ZBTB20: variants seen among roughly 807,000 people sequenced by gnomAD.
The protein encoded by ZBTB20 is zinc finger and BTB domain containing 20.
ZBTB20 carries 9 observed loss-of-function variants against 56.9 expected under a neutral mutation model. That is an observed-to-expected ratio of 0.16 (90% CI 0.10 to 0.28). The LOEUF (loss-of-function observed/expected upper bound fraction) is 0.28, where lower values mean the gene tolerates loss of function less well. Ranked by LOEUF, ZBTB20 falls within the 10% of genes least tolerant of loss-of-function variation. The pLI, the probability that ZBTB20 is intolerant of heterozygous loss-of-function variation, is 1.00. For synonymous variants in ZBTB20, 417 were observed against 420.7 expected (o/e 0.99, Z 0.11); for missense variants, 655 against 1,003.0 (o/e 0.65, Z 4.69).
intron 7 of ZBTB20, among the ~76,000 whole-genome samples, chr3:114,393,294 A>T (rs1299294762): frequency 2.0e-5 from 3 of 152,272 alleles, no homozygotes; most frequent in Admixed American, 6.5e-5. Context: ...ATCACTCATC[A>T]ATAGTACATT....
At chr3:114,646,313 C>T (rs754959428) in intron 6 of ZBTB20, among the ~76,000 whole-genome samples, 1 of 151,860 alleles carries the variant, frequency 6.6e-6, no homozygotes, top group African/African-American at 2.4e-5. Context: ...AGTAGAAGCC[C>T]TAGTTTACAG....
chr3:114,647,617 C>A (rs2059920390), intron 6 of ZBTB20, among the ~76,000 whole-genome samples: 1 of 152,180 alleles, frequency 6.6e-6, no homozygotes, highest in Non-Finnish European at 1.5e-5. Context: ...TTGGTGTGAT[C>A]TTGAATACAT....
chr3:114,317,137 G>C lies in ZBTB20; in HGVS notation c.*21868C>G, dbSNP rs1158041088. 6.6e-6 allele frequency: 1 copy of C among 152,514 alleles called. No individual in the cohort carries two copies. The highest frequency in any genetic ancestry group is 1.9e-4 in the East Asian group (1 of 5,184). 9.4% of individuals were successfully genotyped at this position (152,514 alleles called of 1,614,324 possible). ...CTGACTTCTGTGTCAGCTTCTTGTG[G>C]GTATGTGAGTGCCAGCATCAAGTAG... On this transcript the variant is annotated 3_prime_UTR_variant, in exon 12 of 12. Coordinates refer to ENST00000675478, the MANE Select transcript of ZBTB20 (RefSeq NM_001348800.3).
At chr3:114,865,639 T>C (rs1376042747) in intron 4 of ZBTB20, among the ~76,000 whole-genome samples, 2 of 152,212 alleles carry the variant, frequency 1.3e-5, no homozygotes, top group African/African-American at 4.8e-5. Flanking sequence ...AAGAAATTTG[T>C]TGCAAAGCCA....
intron 1 of ZBTB20, among the ~76,000 whole-genome samples, chr3:115,112,680 C>T (rs1040856221): frequency 3.3e-4 from 50 of 152,154 alleles, no homozygotes; most frequent in Admixed American, 3.2e-3. Context: ...ATATATGCCA[C>T]ATTTTTTTAT....
chr3:114,843,934 C>A (rs547838960), intron 4 of ZBTB20, among the ~76,000 whole-genome samples: 20 of 151,790 alleles, frequency 1.3e-4, no homozygotes, highest in Non-Finnish European at 2.5e-4. Flanking sequence ...TGATCCACCC[C>A]CCTTGGCCTC....
At chr3:114,872,834 A>T (rs564419376) in intron 4 of ZBTB20, among the ~76,000 whole-genome samples, 321 of 152,218 alleles carry the variant, frequency 2.1e-3, no homozygotes, top group African/African-American at 7.1e-3. Flanking sequence ...GCCTAAATCC[A>T]AGGAGGTAGT....
At chr3:114,541,558 A>T (rs1374144366) in intron 6 of ZBTB20, among the ~76,000 whole-genome samples, 2 of 152,130 alleles carry the variant, frequency 1.3e-5, no homozygotes, top group African/African-American at 4.8e-5. Context: ...TTCCTCTAAA[A>T]ATCCTTGAAT....
intron 3 of ZBTB20, among the ~76,000 whole-genome samples, chr3:114,957,842 A>C (rs2077302376): frequency 6.6e-6 from 1 of 152,228 alleles, no homozygotes; most frequent in South Asian, 2.1e-4. Context: ...TCCAGGATGA[A>C]TGGAGGTCAG....
chr3:114,765,496 G>C (rs949569178), intron 5 of ZBTB20, among the ~76,000 whole-genome samples: 1 of 152,092 alleles, frequency 6.6e-6, no homozygotes, highest in Non-Finnish European at 1.5e-5. Context: ...TAAGCAAGAG[G>C]CATGAAACAG....
chr3:114,895,207 G>GA (rs1193377113), intron 4 of ZBTB20, among the ~76,000 whole-genome samples: 2 of 152,092 alleles, frequency 1.3e-5, no homozygotes, highest in Admixed American at 1.3e-4. Context: ...TCCTTCTCAA[G>GA]AAAAAATAAA....
chr3:114,837,942 A>G (rs2074199530), intron 4 of ZBTB20, among the ~76,000 whole-genome samples: 1 of 152,202 alleles, frequency 6.6e-6, no homozygotes, highest in Non-Finnish European at 1.5e-5. Flanking sequence ...AATTAGTTCC[A>G]TTGGACATTT....
intron 7 of ZBTB20, among the ~76,000 whole-genome samples, chr3:114,490,909 T>C (rs2042680890): frequency 6.6e-6 from 1 of 152,088 alleles, no homozygotes; most frequent in Admixed American, 6.5e-5. Flanking sequence ...GGAGCAGGCA[T>C]AAGAAAGAAA....
rs2079194636 is a variant in ZBTB20, at chr3:114,330,007, C to T, written c.*8998G>A. 6.6e-6 allele frequency: 1 copy of T among 152,148 alleles called. No individual in the cohort carries two copies. The highest frequency in any genetic ancestry group is 2.4e-5 in the African/African-American group (1 of 41,432). The allele number at this position is 152,148 out of a possible 1,614,324, so 9.4% of individuals were successfully genotyped here. ...TCATATTTTTAAAAGCAAATATAGACAGTGACAGTCCTACAGGGGAAAATC... is the reference window on the plus strand; with the variant it reads ...TCATATTTTTAAAAGCAAATATAGATAGTGACAGTCCTACAGGGGAAAATC... On this transcript the variant is annotated 3_prime_UTR_variant, in exon 12 of 12. Coordinates refer to ENST00000675478, the MANE Select transcript of ZBTB20 (RefSeq NM_001348800.3).
intron 7 of ZBTB20, among the ~76,000 whole-genome samples, chr3:114,404,590 A>G (rs1255344039): frequency 6.6e-6 from 1 of 152,124 alleles, no homozygotes; most frequent in Admixed American, 6.6e-5. Flanking sequence ...TTCAAAGAGA[A>G]TGGTACATAT....
At chr3:114,387,983 G>T (rs1273223740) in intron 8 of ZBTB20, 1 of 152,104 alleles carries the variant, frequency 6.6e-6, no homozygotes, top group East Asian at 1.9e-4. Context: ...ACAAAATAAA[G>T]CAAAACTCTG....
Position 114,425,956 on chromosome 3 carries a change from T to A in ZBTB20, c.-254-36851A>T, listed in dbSNP as rs185493578. On this transcript the variant is annotated intron_variant, in intron 7 of 11. Transcript: ENST00000675478. ...AGAGCCACTTATCAAATTTAGAAAT[T>A]TTCTTATGATGATGTTAACTCAAAT... 4.6e-4 allele frequency among the ~76,000 whole-genome samples: 70 copies of A among 152,326 alleles called. No homozygotes were observed. The South Asian group carries it at 0.014, about 30-fold the overall frequency.
At chr3:114,477,590 G>A (rs1048005161) in intron 7 of ZBTB20, among the ~76,000 whole-genome samples, 5 of 148,152 alleles carry the variant, frequency 3.4e-5, no homozygotes, top group Admixed American at 6.9e-5. Flanking sequence ...CTGCCTCCTC[G>A]GTTCAAGCGA....
chr3:115,128,730 T>TGGAGGGGAGGGAAGGGGAGG (rs2084411801), intron 1 of ZBTB20, among the ~76,000 whole-genome samples: 1 of 15,036 alleles, frequency 6.7e-5, no homozygotes, highest in Non-Finnish European at 1.3e-4. Context: ...GGGAGGGCAG[T>TGGAGGGGAGGGAAGGGGAGG]GGAGGGGAGG....
Sources: allele counts gnomAD v4.1 joint callset (sites outside exome capture counted in the v4.1 genomes callset), GRCh38; gene constraint gnomAD v4.1.1; transcripts MANE v1.5; gene names NCBI Gene and HGNC (gene_info 2026-07-23, HGNC 2026-07-21).